The following GUCY2C variants were observed in gnomAD, a reference collection of about 807,000 sequenced individuals.
The protein encoded by GUCY2C is guanylyl cyclase C.
A neutral mutation model predicts 131.1 loss-of-function variants in GUCY2C; 118 were observed. The observed-to-expected ratio is 0.90, with a 90% CI of 0.78 to 1.05. The LOEUF is 1.05. GUCY2C is among the 50% of genes least tolerant of loss of function. The probability of loss-of-function intolerance (pLI) is 0.00; values close to 1 mark genes in which losing one functional copy is unlikely to be tolerated. For synonymous variants in GUCY2C, 452 were observed against 457.8 expected (o/e 0.99, Z 0.16); for missense variants, 1,161 against 1,304.4 (o/e 0.89, Z 1.69).
chr12:14,656,310 G>C (rs934612724), intron 12 of GUCY2C, among the ~76,000 whole-genome samples: 1 of 152,172 alleles, frequency 6.6e-6, no homozygotes, highest in Non-Finnish European at 1.5e-5. Context: ...AGCCTCCAGG[G>C]AAGTGCTCAT....
At chr12:14,649,999 T>G (rs1947609526) in intron 15 of GUCY2C, among the ~76,000 whole-genome samples, 1 of 152,196 alleles carries the variant, frequency 6.6e-6, no homozygotes, top group South Asian at 2.1e-4. Flanking sequence ...TCTTTCACAA[T>G]TAAAACATCT....
intron 15 of GUCY2C, among the ~76,000 whole-genome samples, chr12:14,647,560 T>G (rs1461727621): frequency 2.0e-5 from 3 of 152,182 alleles, no homozygotes; most frequent in Non-Finnish European, 4.4e-5. Flanking sequence ...AGTTTAACAC[T>G]GACTGGCTGG....
chr12:14,619,927 AG>A (rs1218877488), intron 23 of GUCY2C, among the ~76,000 whole-genome samples: 2 of 152,238 alleles, frequency 1.3e-5, no homozygotes, highest in Non-Finnish European at 2.9e-5. Context: ...GTAGGAAATA[AG>A]GGTTATTCAG....
chr12:14,627,056 C>A (rs967332014), intron 20 of GUCY2C, among the ~76,000 whole-genome samples: 6 of 152,112 alleles, frequency 3.9e-5, no homozygotes, highest in Non-Finnish European at 8.8e-5. Flanking sequence ...GAGATGACAG[C>A]TTTGTGTGAC....
intron 15 of GUCY2C, among the ~76,000 whole-genome samples, chr12:14,646,320 G>A (rs1947522775): frequency 6.6e-6 from 1 of 152,162 alleles, no homozygotes; most frequent in African/African-American, 2.4e-5. Context: ...CTCAGGCACT[G>A]TACTAAGAAT....
intron 3 of GUCY2C, among the ~76,000 whole-genome samples, chr12:14,684,614 TTCC>T (rs1555166000): frequency 0.18 from 4,606 of 25,938 alleles, 530 homozygotes; most frequent in African/African-American, 0.29. Context: ...CCTTCCTTCC[TTCC>T]TTCCTTCCTT....
chr12:14,651,559 C>T, intron 14 of GUCY2C, 48 bp from the exon 15 acceptor site: 1 of 955,492 alleles, frequency 1.0e-6, no homozygotes, highest in Non-Finnish European at 1.7e-6. Context: ...GAATGGGGTG[C>T]CAAAGTAAAA....
chr12:14,628,691 C>G lies in GUCY2C; in HGVS notation c.2204G>C (p.Arg735Thr). The change falls in exon 20 of 27, where the codon AGA (arginine) becomes ACA (threonine). Residue 735 changes from arginine to threonine, a missense_variant. By Grantham distance (71) the Arg-to-Thr change is moderately conservative. Transcript: ENST00000261170. Reference sequence around the variant, plus strand: ...AGTCTCAATTTTTTTGAAATCTGGTCTCTTTTCTGGATCTTCCTCCCAACA... The same window carrying G: ...AGTCTCAATTTTTTTGAAATCTGGTGTCTTTTCTGGATCTTCCTCCCAACA... ...KNCWEEDPEK[R>T]PDFKKIETTL... 6.2e-7 allele frequency: 1 copy of G among 1,603,824 alleles called. No homozygotes were observed. The highest frequency in any genetic ancestry group is 8.5e-7 in the Non-Finnish European group (1 of 1,171,104).
rs369520148 is a variant in GUCY2C at position 14,679,650 on chromosome 12, T to C, written c.830+7A>G. 9 of 1,387,186 alleles carry C rather than the reference T, an allele frequency of 6.5e-6. No homozygotes were observed. In the African/African-American group the frequency reaches 1.3e-4, roughly 20 times the overall value. 85.9% of individuals were successfully genotyped at this position (1,387,186 alleles called of 1,614,324 possible). A position where few individuals can be genotyped will look rare whatever the true frequency, so the allele number is the denominator to read the frequency against. ...AGGAGGAGGGTTTTTCCAAATGTTA[T>C]ACCTACTTGAAAAGATCCACTAGAA... On this transcript the variant is annotated splice_region_variant and intron_variant, in intron 6 of 26. Transcript: ENST00000261170.
At chr12:14,668,870 A>G (rs1053735773) in intron 10 of GUCY2C, among the ~76,000 whole-genome samples, 1 of 152,072 alleles carries the variant, frequency 6.6e-6, no homozygotes, top group Non-Finnish European at 1.5e-5. Flanking sequence ...TGTTAGGGCT[A>G]TTCATGACAT....
At chr12:14,683,929 A>G (rs996065501) in intron 3 of GUCY2C, among the ~76,000 whole-genome samples, 1 of 151,938 alleles carries the variant, frequency 6.6e-6, no homozygotes, top group African/African-American at 2.4e-5. Flanking sequence ...ACTACTTTCC[A>G]TCTCTCACCC....
At chr12:14,625,427 A>C (rs1592081946) in intron 21 of GUCY2C, among the ~76,000 whole-genome samples, 1 of 149,428 alleles carries the variant, frequency 6.7e-6, no homozygotes, top group Non-Finnish European at 1.5e-5. Context: ...TCTTGGGTTC[A>C]CTCCATTCTC....
At chr12:14,659,601 T>G (rs1487476238) in intron 11 of GUCY2C, among the ~76,000 whole-genome samples, 1 of 152,126 alleles carries the variant, frequency 6.6e-6, no homozygotes, top group Middle Eastern at 3.2e-3. Flanking sequence ...GCATGTAAAA[T>G]AGCATATTAC....
chr12:14,679,826 T>A (rs1948311278), intron 5 of GUCY2C, 73 bp from the exon 6 acceptor site: 1 of 761,464 alleles, frequency 1.3e-6, no homozygotes, highest in South Asian at 1.5e-5. Context: ...ACCAGTTGCC[T>A]GAATTTGAAT....
intron 1 of GUCY2C, among the ~76,000 whole-genome samples, chr12:14,689,623 G>A (rs1488180986): frequency 6.6e-6 from 1 of 152,072 alleles, no homozygotes; most frequent in Non-Finnish European, 1.5e-5. Flanking sequence ...GTAAATAGTG[G>A]GATCTGAAAT....
At chr12:14,636,901 C>T (rs1324706297) in intron 19 of GUCY2C, among the ~76,000 whole-genome samples, 1 of 151,740 alleles carries the variant, frequency 6.6e-6, no homozygotes, top group East Asian at 1.9e-4. Flanking sequence ...CAAGCCTGGG[C>T]AACATGGTGA....
In GUCY2C at chr12:14,651,427, A is replaced by G. The variant is rs1370468966; in HGVS notation, c.1690T>C (p.Cys564Arg). 9 of 1,576,534 alleles carry G rather than the reference A, an allele frequency of 5.7e-6. No homozygotes were observed. The highest frequency in any genetic ancestry group is 7.9e-6 in the Non-Finnish European group (9 of 1,145,838). ...CTTACCCGGAGGGATCCTCTCTCAC[A>G]GTATTCTATCACCCCGAAGATCATG... ...DTMIFGVIEY[C>R]ERGSLREVLN... The change falls in exon 15 of 27, where the codon TGT becomes CGT. Residue 564 changes from cysteine (C) to arginine (R), a missense_variant. Transcript: ENST00000261170.
In GUCY2C at chr12:14,659,631, C is replaced by G. The variant is rs570154299; in HGVS notation, c.1364+1350G>C. On this transcript the variant is annotated intron_variant, in intron 11 of 26. Transcript: ENST00000261170. ...TATTACTGACCCTAAGACCTGGAGG[C>G]AAGTAGGATGAATATCAAGACCTTA... is the stretch of plus-strand genomic sequence containing the variant. 9.7e-4 allele frequency among the ~76,000 whole-genome samples: 147 copies of G among 152,248 alleles called. 2 individuals are homozygous for G. Among genetic ancestry groups the G allele is most frequent in the African/African-American group, 3.4e-3 (142 of 41,552 alleles).
At chr12:14,643,768 T>C in intron 16 of GUCY2C, 62 bp from the exon 17 acceptor site, 1 of 1,494,846 alleles carries the variant, frequency 6.7e-7, no homozygotes, top group South Asian at 1.2e-5. Flanking sequence ...TTGATTATTT[T>C]AAAGAAAAAA....
Sources: allele counts gnomAD v4.1 joint callset (sites outside exome capture counted in the v4.1 genomes callset), GRCh38; gene constraint gnomAD v4.1.1; transcripts MANE v1.5; gene names NCBI Gene and HGNC (gene_info 2026-07-23, HGNC 2026-07-21).